Variants in ASTN1 observed in about 807,000 individuals in gnomAD.
ASTN1 encodes astrotactin 1.
In ASTN1, 41 loss-of-function variants were observed where a neutral mutation model predicts 140.7. The observed-to-expected ratio is 0.29, with a 90% CI of 0.23 to 0.38. The LOEUF (loss-of-function observed/expected upper bound fraction) is 0.38, where lower values mean the gene tolerates loss of function less well. Ranked by LOEUF, ASTN1 falls within the 10% of genes least tolerant of loss-of-function variation. ASTN1 has a pLI of 1.00. For missense variants in ASTN1, 1,479 were observed against 1,678.8 expected (o/e 0.88, Z 2.08); for synonymous variants, 640 against 652.2 (o/e 0.98, Z 0.29).
At chr1:177,052,906 C>T (rs948720326) in intron 2 of ASTN1, among the ~76,000 whole-genome samples, 1 of 152,198 alleles carries the variant, frequency 6.6e-6, no homozygotes, top group Non-Finnish European at 1.5e-5. Context: ...ATACACTTGC[C>T]TTAAATCCTG....
rs1361137625 is a variant in ASTN1 at position 177,030,790 on chromosome 1, T to A, written c.1012+16A>T. ...GAAGGAATCCACCCACGAGCCCTAA[T>A]GTCAGACATGCATACCTCTTGCTTT... On this transcript the variant is annotated intron_variant, in intron 4 of 22. Coordinates refer to ENST00000361833, the MANE Select transcript of ASTN1 (RefSeq NM_004319.3). The A allele has an allele frequency of 1.2e-6, 2 of 1,613,790 alleles. No homozygotes were observed. Among genetic ancestry groups the A allele is most frequent in the Non-Finnish European group, 1.7e-6 (2 of 1,179,840 alleles).
chr1:177,068,180 G>A (rs1678459201), intron 1 of ASTN1, among the ~76,000 whole-genome samples: 1 of 152,188 alleles, frequency 6.6e-6, no homozygotes, highest in African/African-American at 2.4e-5. Flanking sequence ...AGTTCTCATT[G>A]TGATTCCTGT....
intron 11 of ASTN1, among the ~76,000 whole-genome samples, chr1:176,957,103 T>C (rs1208229634): frequency 1.3e-5 from 2 of 151,846 alleles, no homozygotes; most frequent in East Asian, 3.9e-4. Context: ...AGGGTCTCAC[T>C]ATGTTGCCCA....
In ASTN1 at chr1:176,863,928, C is replaced by T; in HGVS notation, c.*356G>A. The T allele has an allele frequency of 9.4e-7, 1 of 1,068,136 alleles. No homozygotes were observed. The highest frequency in any genetic ancestry group is 3.0e-5 in the South Asian group (1 of 33,242). The allele number at this position is 1,068,136 out of a possible 1,614,324, so 66.2% of individuals were successfully genotyped here. A position where few individuals can be genotyped will look rare whatever the true frequency, so the allele number is the denominator to read the frequency against. ...TAGGAACTGAGTGAGCACAGGGTGC[C>T]TACTTAATAGACTTTTCATGGGGAG... On this transcript the variant is annotated 3_prime_UTR_variant, in exon 23 of 23. Coordinates refer to ENST00000361833, the MANE Select transcript of ASTN1 (RefSeq NM_004319.3).
chr1:176,942,832 ATATG>A (rs1334561241), intron 14 of ASTN1, among the ~76,000 whole-genome samples: 9,531 of 32,550 alleles, frequency 0.29, 2,033 homozygotes, highest in Non-Finnish European at 0.32. Flanking sequence ...ATATATATAT[ATATG>A]TATATATATA....
chr1:177,153,470 T>C (rs924151811), intron 1 of ASTN1, among the ~76,000 whole-genome samples: 2 of 152,132 alleles, frequency 1.3e-5, no homozygotes, highest in Admixed American at 6.5e-5. Context: ...AGACACCAGC[T>C]AAAGTTGGTG....
intron 16 of ASTN1, among the ~76,000 whole-genome samples, chr1:176,923,367 G>C (rs1161316738): frequency 6.6e-6 from 1 of 152,166 alleles, no homozygotes; most frequent in Non-Finnish European, 1.5e-5. Context: ...CCCTAGGTCA[G>C]CTGACTGGCT....
chr1:176,979,490 T>A (rs1673512789), intron 8 of ASTN1, among the ~76,000 whole-genome samples: 1 of 152,186 alleles, frequency 6.6e-6, no homozygotes, highest in Admixed American at 6.5e-5. Context: ...CATTTCAGGT[T>A]AGTCCACTCC....
At chr1:177,156,355 A>C (rs1283429623) in intron 1 of ASTN1, among the ~76,000 whole-genome samples, 1 of 152,110 alleles carries the variant, frequency 6.6e-6, no homozygotes, top group East Asian at 1.9e-4. Flanking sequence ...GTAATATGCA[A>C]GATGACCCTG....
chr1:177,052,632 A>G (rs1266596235), intron 2 of ASTN1, among the ~76,000 whole-genome samples: 1 of 152,216 alleles, frequency 6.6e-6, no homozygotes, highest in African/African-American at 2.4e-5. Context: ...GCATCTTCTC[A>G]GAGCCAATCT....
At chr1:177,139,787 C>T (rs147953107) in intron 1 of ASTN1, among the ~76,000 whole-genome samples, 4 of 152,226 alleles carry the variant, frequency 2.6e-5, no homozygotes, top group African/African-American at 9.6e-5. Context: ...AGGGGCCCCA[C>T]AGAGAAAACA....
chr1:177,012,408 C>T (rs1046583163), intron 8 of ASTN1, among the ~76,000 whole-genome samples: 12 of 152,140 alleles, frequency 7.9e-5, no homozygotes, highest in Non-Finnish European at 1.5e-4. Flanking sequence ...TTCCATTATC[C>T]TCAAGGTACT....
intron 12 of ASTN1, 148 bp downstream of exon 12, chr1:176,949,037 T>A: frequency 8.7e-7 from 1 of 1,145,974 alleles, no homozygotes; most frequent in Non-Finnish European, 1.2e-6. Context: ...TTAAAAATGT[T>A]CCCCCCCAAG....
intron 16 of ASTN1, among the ~76,000 whole-genome samples, chr1:176,896,571 G>T (rs149274700): frequency 6.6e-6 from 1 of 152,216 alleles, no homozygotes; most frequent in African/African-American, 2.4e-5. Context: ...GAGCGAGTGC[G>T]GGTGGGGTGA....
rs1558130697 is a variant in ASTN1 at position 177,149,221 on chromosome 1, ATATATATAGTAAATATATATATAC to A, written c.283+15149_283+15172del. ...AATATATATAGTGTATATATAGTAA[ATATATATAGTAAATATATATATAC>A]TATATATAGTAAATATATATATACT... On this transcript the variant is annotated intron_variant, in intron 1 of 22. Transcript: ENST00000361833. 2.4e-3 allele frequency among the ~76,000 whole-genome samples: 233 copies of A among 98,772 alleles called. 8 individuals are homozygous for A. The highest frequency in any genetic ancestry group is 6.9e-3 in the African/African-American group (127 of 18,294). The allele number at this position is 98,772 out of a possible 152,430, so 64.8% of individuals were successfully genotyped here. A position where few individuals can be genotyped will look rare whatever the true frequency, so the allele number is the denominator to read the frequency against.
intron 1 of ASTN1, among the ~76,000 whole-genome samples, chr1:177,081,799 C>A (rs1679194074): frequency 6.6e-6 from 1 of 152,102 alleles, no homozygotes. Flanking sequence ...AAAGACATGG[C>A]TGAATTTATG....
intron 8 of ASTN1, among the ~76,000 whole-genome samples, chr1:176,974,370 T>C (rs1673271717): frequency 6.6e-6 from 1 of 152,126 alleles, no homozygotes; most frequent in South Asian, 2.1e-4. Flanking sequence ...GAATTTTGAT[T>C]CTAAATGTTG....
In ASTN1 at chr1:176,876,560, A is replaced by T; in HGVS notation, c.3440T>A (p.Val1147Glu). 6.2e-7 allele frequency: 1 copy of T among 1,614,062 alleles called. No individual in the cohort carries two copies. The highest frequency in any genetic ancestry group is 1.1e-5 in the South Asian group (1 of 91,068). The change falls in exon 21 of 23, where the codon GTG becomes GAG. Residue 1147 changes from valine (V) to glutamate (E), a missense_variant. Coordinates refer to ENST00000361833, the MANE Select transcript of ASTN1 (RefSeq NM_004319.3). ...SDVIVKTPCP[V>E]VDDVKAQEIA... ...ACCTTGAGCCTTGACATCATCCACC[A>T]CGGGGCATGGGGTCTTCACGATCAC...
intron 1 of ASTN1, among the ~76,000 whole-genome samples, chr1:177,098,819 T>C (rs77307744): frequency 0.03 from 4,627 of 152,236 alleles, 113 homozygotes; most frequent in East Asian, 0.11. Context: ...GTGAGAAAGC[T>C]CCTTGGTGAC....
Sources: allele counts gnomAD v4.1 joint callset (sites outside exome capture counted in the v4.1 genomes callset), GRCh38; gene constraint gnomAD v4.1.1; transcripts MANE v1.5; gene names NCBI Gene and HGNC (gene_info 2026-07-23, HGNC 2026-07-21).